Variants in RYR3 observed in about 807,000 individuals in gnomAD.
RYR3 encodes the protein brain ryanodine receptor-calcium release channel.
A neutral mutation model predicts 584.3 loss-of-function variants in RYR3; 207 were observed. The ratio of observed to expected loss-of-function variants is 0.35; its 90% CI spans 0.32 to 0.40. RYR3 has a LOEUF of 0.40. RYR3 is among the 10% of genes least tolerant of loss of function. The probability of loss-of-function intolerance (pLI) is 1.00; values close to 1 mark genes in which losing one functional copy is unlikely to be tolerated. For synonymous variants in RYR3, 2,416 were observed against 2,248.5 expected, an observed-to-expected ratio of 1.07 and a Z score of -2.11; for missense variants, 5,616 against 6,089.2, an observed-to-expected ratio of 0.92 and a Z score of 2.59.
chr15:33,577,563 A>C (rs994710966), intron 12 of RYR3, among the ~76,000 whole-genome samples: 2 of 152,238 alleles, frequency 1.3e-5, no homozygotes, highest in Non-Finnish European at 2.9e-5. Context: ...CTGGCGAGCC[A>C]TGTGCAGAAA....
At position 33,748,165 on chromosome 15, in the gene RYR3, G is replaced by T. The variant is rs1419064564; in HGVS notation, c.8041G>T (p.Ala2681Ser). The change falls in exon 54 of 104, where the codon GCT (alanine) becomes TCT (serine). Residue 2681 changes from alanine to serine, a missense_variant. Physicochemically the swap from Ala to Ser is moderately conservative, Grantham distance 99. This residue lies in a region of RYR3 where 1,280 missense variants were observed against 1,426.2 expected (regional missense o/e 0.90). Transcript: ENST00000634891. ...GCGAGAGTCCCTGAAAACCATGCTG[G>T]CTGTGGGCTGGACTGTGGAGAGGAC... The part of the protein sequence containing the change: ...PARESLKTML[A>S]VGWTVERTKE... 1.2e-6 allele frequency: 2 copies of T among 1,613,858 alleles called. No individual in the cohort carries two copies. Among genetic ancestry groups the T allele is most frequent in the Non-Finnish European group, 1.7e-6 (2 of 1,179,800 alleles).
intron 1 of RYR3, among the ~76,000 whole-genome samples, chr15:33,398,744 G>T (rs902973603): frequency 2.0e-5 from 3 of 152,174 alleles, no homozygotes; most frequent in Non-Finnish European, 1.5e-5. Flanking sequence ...GGACCAGGAG[G>T]TTGGGGGGTG....
intron 68 of RYR3, 130 bp downstream of exon 68, chr15:33,800,987 G>C: frequency 5.8e-6 from 4 of 683,986 alleles, no homozygotes; most frequent in Non-Finnish European, 1.0e-5. Context: ...TGAGGACCAC[G>C]ACCCATGACA....
chr15:33,630,504 G>T (rs1272363140), intron 22 of RYR3, among the ~76,000 whole-genome samples: 2 of 152,174 alleles, frequency 1.3e-5, no homozygotes, highest in African/African-American at 2.4e-5. Context: ...TTGGGGGCTT[G>T]TTACCTGTTC....
At chr15:33,429,098 G>GCATCCTTCGTCTTCTCATACTCC (rs2044899239) in intron 1 of RYR3, among the ~76,000 whole-genome samples, 1 of 152,114 alleles carries the variant, frequency 6.6e-6, no homozygotes, top group Non-Finnish European at 1.5e-5. Flanking sequence ...TCTCCTGCTC[G>GCATCCTTCGTCTTCTCATACTCC]CATCCTTCGT....
intron 1 of RYR3, among the ~76,000 whole-genome samples, chr15:33,453,495 TA>T (rs2047303273): frequency 6.6e-6 from 1 of 152,122 alleles, no homozygotes; most frequent in South Asian, 2.1e-4. Context: ...TGCTTATCCA[TA>T]AAAAAGCAGA....
intron 1 of RYR3, among the ~76,000 whole-genome samples, chr15:33,388,124 A>T (rs2041752327): frequency 6.6e-6 from 1 of 152,230 alleles, no homozygotes; most frequent in South Asian, 2.1e-4. Flanking sequence ...AGAAAACAAC[A>T]AAACAAAACA....
At chr15:33,548,951 TTCAAAATAAGTCTCTC>T (rs1348429663) in intron 9 of RYR3, among the ~76,000 whole-genome samples, 1 of 152,122 alleles carries the variant, frequency 6.6e-6, no homozygotes, top group Non-Finnish European at 1.5e-5. Flanking sequence ...CGAAAATATG[TTCAAAATAAGTCTCTC>T]TCACGCAGGG....
At chr15:33,544,652 G>A (rs369984281) in intron 8 of RYR3, among the ~76,000 whole-genome samples, 4 of 152,128 alleles carry the variant, frequency 2.6e-5, no homozygotes, top group African/African-American at 9.7e-5. Flanking sequence ...GAAGCAATGT[G>A]CTTGAATGTA....
intron 1 of RYR3, among the ~76,000 whole-genome samples, chr15:33,441,774 C>A (rs377244209): frequency 6.6e-6 from 1 of 152,152 alleles, no homozygotes; most frequent in Non-Finnish European, 1.5e-5. Context: ...TGTCTTAAGA[C>A]CTTACTGCTG....
chr15:33,825,565 C>A, intron 81 of RYR3, 38 bp from the exon 82 acceptor site: 6 of 1,376,552 alleles, frequency 4.4e-6, no homozygotes, highest in Non-Finnish European at 6.2e-6. Context: ...TCCCAGCGTG[C>A]GTAGCCCTGA....
chr15:33,605,573 A>C (rs569586708), intron 18 of RYR3, among the ~76,000 whole-genome samples: 1 of 152,308 alleles, frequency 6.6e-6, no homozygotes, highest in Admixed American at 6.5e-5. Flanking sequence ...AGTCTCCAGC[A>C]TCTGATGAGA....
intron 3 of RYR3, among the ~76,000 whole-genome samples, chr15:33,521,722 C>A (rs889897102): frequency 6.6e-6 from 1 of 152,172 alleles, no homozygotes; most frequent in Non-Finnish European, 1.5e-5. Flanking sequence ...GGTCACTCTA[C>A]AAGAGCACAG....
At chr15:33,800,066 T>G (rs2075841201) in intron 67 of RYR3, among the ~76,000 whole-genome samples, 1 of 152,208 alleles carries the variant, frequency 6.6e-6, no homozygotes, top group Non-Finnish European at 1.5e-5. Flanking sequence ...ACTGAATTCC[T>G]GAAACTGCAG....
chr15:33,707,510 T>C (rs1596261079), intron 43 of RYR3, among the ~76,000 whole-genome samples: 1 of 152,176 alleles, frequency 6.6e-6, no homozygotes, highest in Non-Finnish European at 1.5e-5. Flanking sequence ...AAAAAATTGC[T>C]ATAACAACCC....
At chr15:33,767,869 G>C (rs1415893292) in intron 60 of RYR3, among the ~76,000 whole-genome samples, 1 of 152,212 alleles carries the variant, frequency 6.6e-6, no homozygotes, top group Non-Finnish European at 1.5e-5. Context: ...GCCCCTAGGT[G>C]AGGTCCATTA....
Position 33,663,596 on chromosome 15 carries a change from T to C in RYR3, c.5478T>C (p.Ile1826=). ...DCELQHRVEA[I]VAFGDIYVSK... is the part of the protein sequence containing the mutation. ...AGCTGCAGCACCGAGTGGAGGCCAT[T>C]GTGGCATTTGGTGACATTTATGTCT... Residue 1826 remains isoleucine (I), a synonymous_variant, in exon 36 of 104, where the codon ATT becomes ATC. Coordinates refer to ENST00000634891, the MANE Select transcript of RYR3 (RefSeq NM_001036.6). The C allele has an allele frequency of 6.2e-7, 1 of 1,613,838 alleles. No homozygotes were observed. Among genetic ancestry groups the C allele is most frequent in the Non-Finnish European group, 8.5e-7 (1 of 1,179,852 alleles).
intron 78 of RYR3, 70 bp from the exon 79 acceptor site, chr15:33,821,200 C>A: frequency 8.0e-7 from 1 of 1,250,476 alleles, no homozygotes; most frequent in Non-Finnish European, 1.1e-6. Context: ...TTCTCTCTCA[C>A]CTCACTATGG....
At chr15:33,813,769 G>T in intron 74 of RYR3, 190 bp downstream of exon 74, 1 of 532,588 alleles carries the variant, frequency 1.9e-6, no homozygotes, top group Non-Finnish European at 3.3e-6. Flanking sequence ...ACTGAAACCA[G>T]ATGAGATTCT....
Sources: allele counts gnomAD v4.1 joint callset (sites outside exome capture counted in the v4.1 genomes callset), GRCh38; gene constraint gnomAD v4.1.1; regional missense constraint gnomAD v4.1.1; transcripts MANE v1.5; gene names NCBI Gene and HGNC (gene_info 2026-07-23, HGNC 2026-07-21).